TMCC3: variants seen among roughly 807,000 people sequenced by gnomAD.
TMCC3 encodes the protein transmembrane and coiled-coil domain family 3.
In TMCC3, 28 loss-of-function variants were observed where a neutral mutation model predicts 40.2. That is an observed-to-expected ratio of 0.70 (90% CI 0.52 to 0.95). The LOEUF (loss-of-function observed/expected upper bound fraction) is 0.95. Ranked by LOEUF, TMCC3 falls within the 40% of genes least tolerant of loss-of-function variation. TMCC3 has a pLI of 0.00. For synonymous variants in TMCC3, 255 were observed against 248.5 expected (o/e 1.03, Z -0.25); for missense variants, 554 against 615.2 (o/e 0.90, Z 1.05).
chr12:94,614,679 A>G (rs1371379575), intron 1 of TMCC3, among the ~76,000 whole-genome samples: 1 of 151,894 alleles, frequency 6.6e-6, no homozygotes, highest in Non-Finnish European at 1.5e-5. Context: ...TGTTGCACTC[A>G]CAGTGTTACG....
chr12:94,592,211 C>T (rs765366325), intron 1 of TMCC3, among the ~76,000 whole-genome samples: 1 of 152,140 alleles, frequency 6.6e-6, no homozygotes, highest in Non-Finnish European at 1.5e-5. Flanking sequence ...CAATAGCACA[C>T]TCTGAACTTT....
chr12:94,582,003 T>A lies in TMCC3; in HGVS notation c.614A>T (p.Glu205Val). 6.2e-7 allele frequency: 1 copy of A among 1,614,222 alleles called. No individual in the cohort carries two copies. The highest frequency in any genetic ancestry group is 8.5e-7 in the Non-Finnish European group (1 of 1,180,036). The change falls in exon 2 of 4, where the codon GAG becomes GTG. Residue 205 changes from glutamate (E) to valine (V), a missense_variant. Transcript: ENST00000261226. ...CTTATTCCGGATCAGGTTGGCAAACTCTCTGGACTTATTGAAAACGAACAC... is the reference window on the plus strand; with the variant it reads ...CTTATTCCGGATCAGGTTGGCAAACACTCTGGACTTATTGAAAACGAACAC... ...PPVFVFNKSR[E>V]FANLIRNKFG...
chr12:94,602,094 G>T lies in TMCC3; in HGVS notation c.79-19556C>A, dbSNP rs117127216. On this transcript the variant is annotated intron_variant, in intron 1 of 3. Coordinates refer to ENST00000261226, the MANE Select transcript of TMCC3 (RefSeq NM_020698.4). ...GAAAAAAGACAAGCCACTTGTCCCTGTGTTTGTTAATCATACTTAAGGAAG... is the reference window on the plus strand; with the variant it reads ...GAAAAAAGACAAGCCACTTGTCCCTTTGTTTGTTAATCATACTTAAGGAAG... 5.6e-3 allele frequency among the ~76,000 whole-genome samples: 853 copies of T among 152,284 alleles called. 8 individuals carry two copies. Among genetic ancestry groups the T allele is most frequent in the Non-Finnish European group, 9.4e-3 (639 of 68,018 alleles).
intron 1 of TMCC3, among the ~76,000 whole-genome samples, chr12:94,638,245 A>G (rs1384756989): frequency 2.0e-5 from 3 of 152,224 alleles, no homozygotes; most frequent in Admixed American, 1.3e-4. Flanking sequence ...GTCTTAAGGT[A>G]TCTCAACTTG....
chr12:94,582,228 T>C lies in TMCC3; in HGVS notation c.389A>G (p.Gln130Arg), dbSNP rs1392613499. ...QKSAHSIAQL[Q>R]KKLEQYHRKL... is the part of the protein sequence containing the mutation. ...TCGATGATACTGCTCTAACTTCTTCTGCAGCTGGGCGATGGAGTGAGCTGA... is the reference window on the plus strand; with the variant it reads ...TCGATGATACTGCTCTAACTTCTTCCGCAGCTGGGCGATGGAGTGAGCTGA... The change falls in exon 2 of 4, where the codon CAG (glutamine) becomes CGG (arginine). Residue 130 changes from glutamine (Q) to arginine (R), a missense_variant. Transcript: ENST00000261226. 1 of 1,614,094 alleles carries C rather than the reference T, an allele frequency of 6.2e-7. No homozygotes were observed. The highest frequency in any genetic ancestry group is 1.3e-5 in the African/African-American group (1 of 74,932).
At chr12:94,632,459 C>A (rs1220417185) in intron 1 of TMCC3, among the ~76,000 whole-genome samples, 3 of 152,158 alleles carry the variant, frequency 2.0e-5, no homozygotes, top group Non-Finnish European at 2.9e-5. Context: ...CATACAAATA[C>A]CATTCAACAC....
chr12:94,591,123 G>T, intron 1 of TMCC3: 1 of 448,450 alleles, frequency 2.2e-6, no homozygotes, highest in Non-Finnish European at 4.4e-6. Context: ...TTGACAGCTG[G>T]ATGAAACAAT....
chr12:94,627,328 C>T (rs1446451918), intron 1 of TMCC3, among the ~76,000 whole-genome samples: 1 of 152,192 alleles, frequency 6.6e-6, no homozygotes, highest in Non-Finnish European at 1.5e-5. Flanking sequence ...GAGGGCTTTA[C>T]CACAGCCTGC....
intron 1 of TMCC3, among the ~76,000 whole-genome samples, chr12:94,598,290 C>G (rs2068730231): frequency 6.6e-6 from 1 of 152,166 alleles, no homozygotes. Context: ...CTGTGTACGC[C>G]AAACCATTTA....
intron 1 of TMCC3, among the ~76,000 whole-genome samples, chr12:94,588,437 C>G (rs1356194091): frequency 6.6e-6 from 1 of 152,210 alleles, no homozygotes; most frequent in Non-Finnish European, 1.5e-5. Context: ...AACAATGTGA[C>G]AGATGACAAC....
At position 94,593,155 on chromosome 12, in the gene TMCC3, C is replaced by A. The variant is rs144446923; in HGVS notation, c.79-10617G>T. ...GAGGTTACAGTGAGCAGAGATTGCACCACTGCACTCCAGCCTGGGAGACAG... is the reference window on the plus strand; with the variant it reads ...GAGGTTACAGTGAGCAGAGATTGCAACACTGCACTCCAGCCTGGGAGACAG... On this transcript the variant is annotated intron_variant, in intron 1 of 3. Coordinates refer to ENST00000261226, the MANE Select transcript of TMCC3 (RefSeq NM_020698.4). Among the ~76,000 whole-genome samples the A allele has an allele frequency of 8.0e-3, 1,215 of 151,278 alleles. 26 individuals carry two copies. Among genetic ancestry groups the A allele is most frequent in the East Asian group, 0.063 (324 of 5,122 alleles).
intron 1 of TMCC3, among the ~76,000 whole-genome samples, chr12:94,586,074 T>C (rs1039097040): frequency 2.6e-5 from 4 of 152,214 alleles, no homozygotes; most frequent in Non-Finnish European, 5.9e-5. Flanking sequence ...GCCCTGACAA[T>C]TCCAGGTGAA....
chr12:94,620,571 AGCTACTGT>A (rs2068870887), intron 1 of TMCC3, among the ~76,000 whole-genome samples: 1 of 151,902 alleles, frequency 6.6e-6, no homozygotes, highest in Non-Finnish European at 1.5e-5. Context: ...TACAGGCATG[AGCTACTGT>A]GCAGGGCCTG....
intron 1 of TMCC3, among the ~76,000 whole-genome samples, chr12:94,642,988 C>T (rs1179210838): frequency 2.6e-5 from 4 of 152,028 alleles, no homozygotes; most frequent in South Asian, 4.1e-4. Flanking sequence ...GTCAGGAGAT[C>T]GAGACCATCC....
intron 1 of TMCC3, among the ~76,000 whole-genome samples, chr12:94,646,985 A>G (rs2069023317): frequency 6.6e-6 from 1 of 152,174 alleles, no homozygotes; most frequent in Non-Finnish European, 1.5e-5. Flanking sequence ...AACACTTAAA[A>G]TGAAAACCAA....
chr12:94,648,220 T>TTTTTTTTATTTATTTA (rs1555286916), intron 1 of TMCC3, among the ~76,000 whole-genome samples: 1 of 149,528 alleles, frequency 6.7e-6, no homozygotes, highest in African/African-American at 2.5e-5. Flanking sequence ...AGTAGAATTG[T>TTTTTTTTATTTATTTA]TTTATTTATT....
chr12:94,587,003 A>G (rs948249876), intron 1 of TMCC3, among the ~76,000 whole-genome samples: 2 of 152,346 alleles, frequency 1.3e-5, no homozygotes, highest in African/African-American at 4.8e-5. Flanking sequence ...TGCATGGGAT[A>G]ATTGAGAGAC....
intron 3 of TMCC3, among the ~76,000 whole-genome samples, chr12:94,572,914 C>A (rs558046503): frequency 6.6e-6 from 1 of 152,284 alleles, no homozygotes; most frequent in Non-Finnish European, 1.5e-5. Context: ...CCGAGGCTAT[C>A]TCCCTGGATC....
intron 1 of TMCC3, among the ~76,000 whole-genome samples, chr12:94,632,885 T>C (rs976426514): frequency 2.6e-5 from 4 of 152,156 alleles, no homozygotes; most frequent in Non-Finnish European, 5.9e-5. Context: ...GGCAGGCAGA[T>C]CACTTGAGGT....
Sources: gnomAD v4.1 joint callset for allele counts (sites outside exome capture counted in the v4.1 genomes callset) on GRCh38, gnomAD v4.1.1 for gene constraint, MANE v1.5 for transcripts, NCBI Gene and HGNC (gene_info 2026-07-23, HGNC 2026-07-21) for gene names.